Variants in BRINP1 observed in about 807,000 individuals in gnomAD.
The protein encoded by BRINP1 is BMP/retinoic acid-inducible neural-specific protein 1.
In BRINP1, 17 loss-of-function variants were observed where a neutral mutation model predicts 72.9. That is an observed-to-expected ratio of 0.23 (90% CI 0.16 to 0.35). The LOEUF (loss-of-function observed/expected upper bound fraction) is 0.35, where lower values mean the gene tolerates loss of function less well. BRINP1 is among the 10% of genes least tolerant of loss of function. The probability of loss-of-function intolerance (pLI) is 1.00; values close to 1 mark genes in which losing one functional copy is unlikely to be tolerated. For missense variants in BRINP1, 850 were observed against 1,001.6 expected (o/e 0.85, Z 2.04); for synonymous variants, 418 against 378.5 (o/e 1.10, Z -1.21).
chr9:119,304,749 G>C (rs778305516), intron 2 of BRINP1, among the ~76,000 whole-genome samples: 1 of 152,256 alleles, frequency 6.6e-6, no homozygotes, highest in Non-Finnish European at 1.5e-5. Context: ...GCCTGCAGCT[G>C]TTGGTGGCAC....
At chr9:119,219,907 A>G (rs1453908894) in intron 5 of BRINP1, among the ~76,000 whole-genome samples, 2 of 152,130 alleles carry the variant, frequency 1.3e-5, no homozygotes, top group Non-Finnish European at 2.9e-5. Context: ...CAGAAAGAGT[A>G]GTCTAGACAG....
rs1297380157 is a variant in BRINP1, at chr9:119,171,411, C to T, written c.1146-3187G>A. On this transcript the variant is annotated intron_variant, in intron 7 of 7. Coordinates refer to ENST00000265922, the MANE Select transcript of BRINP1 (RefSeq NM_014618.3). ...GGCCATTACATAATGGTAAAGGGAT[C>T]AATTCAACAAGAAGAGCTAACTATC... is the stretch of plus-strand genomic sequence containing the variant. Among the ~76,000 whole-genome samples, 53 of 143,816 alleles carry T rather than the reference C, an allele frequency of 3.7e-4. 1 individual carries two copies. Among genetic ancestry groups the T allele is most frequent in the Non-Finnish European group, 6.5e-4 (42 of 64,608 alleles). The allele number at this position is 143,816 out of a possible 152,430, so 94.3% of individuals were successfully genotyped here. A position where few individuals can be genotyped will look rare whatever the true frequency, so the allele number is the denominator to read the frequency against.
intron 2 of BRINP1, among the ~76,000 whole-genome samples, chr9:119,286,998 A>G (rs1272737898): frequency 1.3e-5 from 2 of 152,154 alleles, no homozygotes; most frequent in Non-Finnish European, 2.9e-5. Flanking sequence ...AAATCACCAA[A>G]TAGTCTAGTT....
chr9:119,366,411 A>G (rs949372840), intron 1 of BRINP1, among the ~76,000 whole-genome samples: 2 of 151,914 alleles, frequency 1.3e-5, no homozygotes, highest in African/African-American at 4.8e-5. Flanking sequence ...CACACTCAGT[A>G]CTGGGTCCTT....
At chr9:119,278,672 G>A (rs965282975) in intron 2 of BRINP1, among the ~76,000 whole-genome samples, 4 of 152,120 alleles carry the variant, frequency 2.6e-5, no homozygotes, top group African/African-American at 9.7e-5. Context: ...GCTGGATCAC[G>A]AGGTCAAGAG....
At chr9:119,347,982 A>G (rs1253231037) in intron 1 of BRINP1, among the ~76,000 whole-genome samples, 4 of 152,126 alleles carry the variant, frequency 2.6e-5, no homozygotes, top group African/African-American at 9.7e-5. Context: ...TATCACCCAA[A>G]GTCCATAGTT....
At chr9:119,312,611 G>A (rs2118994337) in intron 2 of BRINP1, among the ~76,000 whole-genome samples, 1 of 152,286 alleles carries the variant, frequency 6.6e-6, no homozygotes, top group East Asian at 1.9e-4. Flanking sequence ...TTAACAAAAG[G>A]TTTCTTTATT....
intron 2 of BRINP1, among the ~76,000 whole-genome samples, chr9:119,303,592 A>T (rs1830963589): frequency 6.6e-6 from 1 of 152,180 alleles, no homozygotes; most frequent in Non-Finnish European, 1.5e-5. Flanking sequence ...GTATGGTGGC[A>T]CGTGTTCCTC....
intron 2 of BRINP1, among the ~76,000 whole-genome samples, chr9:119,280,874 AAAG>A (rs1830704107): frequency 6.6e-6 from 1 of 152,200 alleles, no homozygotes; most frequent in Non-Finnish European, 1.5e-5. Flanking sequence ...GGGGTGTATG[AAAG>A]AAGACTTCTG....
chr9:119,336,045 C>A (rs779661517), intron 1 of BRINP1, among the ~76,000 whole-genome samples: 1 of 152,140 alleles, frequency 6.6e-6, no homozygotes, highest in Non-Finnish European at 1.5e-5. Context: ...GTAAAAGTCT[C>A]TTGGTGTGCA....
chr9:119,241,298 T>C (rs1243572502), intron 4 of BRINP1, among the ~76,000 whole-genome samples: 1 of 152,146 alleles, frequency 6.6e-6, no homozygotes, highest in Non-Finnish European at 1.5e-5. Context: ...ACGGTGCTGG[T>C]GTAGGCGAGC....
At chr9:119,212,569 A>G (rs1829940116) in intron 6 of BRINP1, among the ~76,000 whole-genome samples, 1 of 152,230 alleles carries the variant, frequency 6.6e-6, no homozygotes, top group Non-Finnish European at 1.5e-5. Context: ...GTCTTGCAGG[A>G]GGATTATAGA....
rs140441429 is a variant in BRINP1, at chr9:119,192,503, C to T, written c.1145+16216G>A. Among the ~76,000 whole-genome samples, 12 of 152,152 alleles carry T rather than the reference C, an allele frequency of 7.9e-5. No individual in the cohort carries two copies. The East Asian group carries it at 2.1e-3, about 27-fold the overall frequency. ...AACAGGAATATGAAAAGGTACTCAACAGCACTAATCATCAGAGAAGTGCAA... is the reference window on the plus strand; with the variant it reads ...AACAGGAATATGAAAAGGTACTCAATAGCACTAATCATCAGAGAAGTGCAA... On this transcript the variant is annotated intron_variant, in intron 7 of 7. Transcript: ENST00000265922.
intron 2 of BRINP1, among the ~76,000 whole-genome samples, chr9:119,261,255 T>C (rs765221712): frequency 2.0e-5 from 3 of 152,198 alleles, no homozygotes; most frequent in African/African-American, 2.4e-5. Context: ...GGAAATGCTA[T>C]GAGTTTCAGA....
chr9:119,316,083 A>C (rs1370095190), intron 1 of BRINP1, among the ~76,000 whole-genome samples: 1 of 152,102 alleles, frequency 6.6e-6, no homozygotes. Context: ...ACCCTAAACA[A>C]TCTATTTTCT....
intron 1 of BRINP1, among the ~76,000 whole-genome samples, chr9:119,360,094 T>C (rs1831613505): frequency 6.6e-6 from 1 of 152,220 alleles, no homozygotes; most frequent in South Asian, 2.1e-4. Context: ...TGTTGTCCTA[T>C]TGATATACAT....
At chr9:119,247,665 A>C in intron 3 of BRINP1, among the ~76,000 whole-genome samples, 1 of 149,244 alleles carries the variant, frequency 6.7e-6, no homozygotes, top group Non-Finnish European at 1.5e-5. Context: ...CTCAAAAAAA[A>C]AAAAAAAAAA....
chr9:119,203,315 C>G (rs770892673), intron 7 of BRINP1, among the ~76,000 whole-genome samples: 6 of 152,180 alleles, frequency 3.9e-5, no homozygotes, highest in Non-Finnish European at 8.8e-5. Context: ...TCTGCCTTAT[C>G]AGTTCCCTAA....
intron 6 of BRINP1, among the ~76,000 whole-genome samples, chr9:119,211,400 T>C (rs554489941): frequency 1.3e-5 from 2 of 152,262 alleles, no homozygotes; most frequent in East Asian, 1.9e-4. Context: ...TTTCATCATA[T>C]TGGTCAGGCT....
Sources: gnomAD v4.1 joint callset for allele counts (sites outside exome capture counted in the v4.1 genomes callset) on GRCh38, gnomAD v4.1.1 for gene constraint, MANE v1.5 for transcripts, NCBI Gene and HGNC (gene_info 2026-07-23, HGNC 2026-07-21) for gene names.